EHMT1: variants seen among roughly 807,000 people sequenced by gnomAD.
EHMT1 encodes the protein histone-lysine N-methyltransferase EHMT1.
Under a neutral mutation model 147.2 loss-of-function variants are expected in EHMT1, and 15 were observed. The observed-to-expected ratio is 0.10, with a 90% CI of 0.07 to 0.16. The LOEUF is 0.16. Among genes scored for constraint, EHMT1 ranks in the 10% least tolerant of loss-of-function variants. The probability of loss-of-function intolerance (pLI) is 1.00; values close to 1 mark genes in which losing one functional copy is unlikely to be tolerated. For synonymous variants in EHMT1, 795 were observed against 709.6 expected (o/e 1.12, Z -1.91); for missense variants, 1,587 against 1,772.4 (o/e 0.90, Z 1.88).
chr9:137,695,248 G>T (rs1164435347), intron 1 of EHMT1, among the ~76,000 whole-genome samples: 2 of 152,204 alleles, frequency 1.3e-5, no homozygotes, highest in African/African-American at 2.4e-5. Flanking sequence ...TGTTGGTCCA[G>T]TTCCCTGAGG....
chr9:137,658,981 C>G (rs145562288), intron 1 of EHMT1, among the ~76,000 whole-genome samples: 8 of 152,238 alleles, frequency 5.3e-5, no homozygotes, highest in African/African-American at 1.9e-4. Context: ...GCTGAACCAT[C>G]GTAGACATCC....
At chr9:137,634,868 ATTTTTTTT>A (rs781056803) in intron 1 of EHMT1, among the ~76,000 whole-genome samples, 1,675 of 92,124 alleles carry the variant, frequency 0.018, 37 homozygotes, top group African/African-American at 0.068. Context: ...TGCCCAGCTA[ATTTTTTTT>A]TTTTTTTTTT....
intron 2 of EHMT1, among the ~76,000 whole-genome samples, chr9:137,712,715 T>C (rs1246843449): frequency 2.0e-5 from 3 of 152,228 alleles, no homozygotes; most frequent in Non-Finnish European, 1.5e-5. Context: ...TTCCGGTCTG[T>C]GGCTTGTCTT....
At position 137,701,590 on chromosome 9, in the gene EHMT1, C is replaced by T. The variant is rs903320554; in HGVS notation, c.22-9377C>T. On this transcript the variant is annotated intron_variant, in intron 1 of 26. Coordinates refer to ENST00000460843, the MANE Select transcript of EHMT1 (RefSeq NM_024757.5). Reference sequence around the variant, plus strand: ...TCTCCTGCCTCAGCCTCTTGAGTAGCTGGGATTACAGGTGGGCGCCACCAT... The same window carrying T: ...TCTCCTGCCTCAGCCTCTTGAGTAGTTGGGATTACAGGTGGGCGCCACCAT... Among the ~76,000 whole-genome samples the T allele has an allele frequency of 2.7e-5, 4 of 148,796 alleles. No individual in the cohort carries two copies. In the Admixed American group the frequency reaches 2.7e-4, roughly 10 times the overall value.
chr9:137,803,897 ATG>A (rs1953711253), intron 18 of EHMT1, among the ~76,000 whole-genome samples: 1 of 151,978 alleles, frequency 6.6e-6, no homozygotes, highest in Non-Finnish European at 1.5e-5. Flanking sequence ...TCTCTAGTGT[ATG>A]AGAGTGCATT....
chr9:137,775,191 A>G lies in EHMT1; in HGVS notation c.1730A>G (p.Asp577Gly). The change falls in exon 11 of 27, where the codon GAC (aspartate) becomes GGC (glycine). Residue 577 changes from aspartate to glycine, a missense_variant. By Grantham distance (94) the Asp-to-Gly change is moderately conservative. Transcript: ENST00000460843. This position sits in a 1 kb window ranked among gnomAD's most constrained non-coding sequence, Gnocchi z 6.1. The part of the protein sequence containing the change: ...NKAPLLVLCE[D>G]HRGRMVKHQC... ...GCCCCGCTCCTCGTGCTGTGTGAAGACCACCGGGGCCGCATGGTGAAGCAC... is the reference window on the plus strand; with the variant it reads ...GCCCCGCTCCTCGTGCTGTGTGAAGGCCACCGGGGCCGCATGGTGAAGCAC... The G allele has an allele frequency of 6.2e-7, 1 of 1,613,714 alleles. No homozygotes were observed. Among genetic ancestry groups the G allele is most frequent in the Non-Finnish European group, 8.5e-7 (1 of 1,180,016 alleles).
rs112597221 is a variant in EHMT1, at chr9:137,787,775, G to A, written c.2383-3073G>A. On this transcript the variant is annotated intron_variant, in intron 15 of 26. Transcript: ENST00000460843. This position sits in a 1 kb window ranked among gnomAD's most constrained non-coding sequence, Gnocchi z 4.2. ...GTTGGGTGACACACCCTGGAAGAGG[G>A]CGTCTAGATCCCAGCCCTGGGGGCC... 1.1e-4 allele frequency: 92 copies of A among 827,174 alleles called. 1 individual carries two copies. The highest frequency in any genetic ancestry group is 9.8e-4 in the African/African-American group (59 of 60,130). 51.2% of individuals were successfully genotyped at this position (827,174 alleles called of 1,614,324 possible).
In EHMT1 at chr9:137,828,515, G is replaced by T. The variant is rs1955974682; in HGVS notation, c.3541-5834G>T. Among the ~76,000 whole-genome samples, 1 of 151,766 alleles carries T rather than the reference G, an allele frequency of 6.6e-6. No individual in the cohort carries two copies. The highest frequency in any genetic ancestry group is 1.5e-5 in the Non-Finnish European group (1 of 67,948). ...CCCATGACCTCTAGGGTCACGCGGAGGCTCCTGGGGTCAGACTGAGAAAGG... is the reference window on the plus strand; with the variant it reads ...CCCATGACCTCTAGGGTCACGCGGATGCTCCTGGGGTCAGACTGAGAAAGG... On this transcript the variant is annotated intron_variant, in intron 25 of 26. Coordinates refer to ENST00000460843, the MANE Select transcript of EHMT1 (RefSeq NM_024757.5). This position sits in a 1 kb window ranked among gnomAD's most constrained non-coding sequence, Gnocchi z 5.3.
intron 1 of EHMT1, among the ~76,000 whole-genome samples, chr9:137,631,454 C>A (rs970662973): frequency 5.9e-5 from 9 of 152,124 alleles, no homozygotes; most frequent in Admixed American, 5.2e-4. Flanking sequence ...GCCACTAGTT[C>A]TTCTCTTGGC....
intron 6 of EHMT1, chr9:137,747,779 A>G (rs1948667815): frequency 6.6e-6 from 1 of 152,220 alleles, no homozygotes; most frequent in Non-Finnish European, 1.5e-5. Context: ...AAAGCCTTGA[A>G]TTCTGGTGGC....
Position 137,731,908 on chromosome 9 carries a change from A to G in EHMT1, c.823+3379A>G, listed in dbSNP as rs575177455. On this transcript the variant is annotated intron_variant, in intron 4 of 26. Transcript: ENST00000460843. This position sits in a 1 kb window ranked among gnomAD's most constrained non-coding sequence, Gnocchi z 4.3. ...GTGCAGAGCTGTGGCTGGATGAGGC[A>G]TACCACAAGCAGTTTACACTGCAGG... Among the ~76,000 whole-genome samples the G allele has an allele frequency of 1.3e-5, 2 of 152,334 alleles. No homozygotes were observed. The highest frequency in any genetic ancestry group is 3.9e-4 in the East Asian group (2 of 5,184).
chr9:137,766,230 A>G (rs1024684500), intron 10 of EHMT1, among the ~76,000 whole-genome samples: 4 of 152,156 alleles, frequency 2.6e-5, no homozygotes, highest in African/African-American at 9.7e-5. Context: ...GATGCTTAAC[A>G]CCTACATTTG....
chr9:137,673,243 TG>T (rs1240389910), intron 1 of EHMT1, among the ~76,000 whole-genome samples: 1 of 152,322 alleles, frequency 6.6e-6, no homozygotes, highest in Middle Eastern at 3.4e-3. Flanking sequence ...GGGTGCCTGG[TG>T]GTGCTCAGAG....
chr9:137,683,627 G>A (rs1484687081), intron 1 of EHMT1, among the ~76,000 whole-genome samples: 2 of 152,118 alleles, frequency 1.3e-5, no homozygotes, highest in Non-Finnish European at 2.9e-5. Context: ...AGGGAAAAGT[G>A]GTCGTCTAAC....
At chr9:137,649,070 G>A (rs1262854454) in intron 1 of EHMT1, among the ~76,000 whole-genome samples, 1 of 152,220 alleles carries the variant, frequency 6.6e-6, no homozygotes, top group Admixed American at 6.5e-5. Flanking sequence ...GGGTTGAGTA[G>A]TGTCTTCCCA....
chr9:137,800,501 C>G (rs774367981), intron 17 of EHMT1: 4 of 284,606 alleles, frequency 1.4e-5, no homozygotes, highest in Non-Finnish European at 2.7e-5. Flanking sequence ...CTGGTGCGCT[C>G]CGGGTCTGGC....
In EHMT1 at chr9:137,734,016, G is replaced by A. The variant is rs533326604; in HGVS notation, c.823+5487G>A. 9.2e-5 allele frequency among the ~76,000 whole-genome samples: 14 copies of A among 152,300 alleles called. No individual in the cohort carries two copies. In the South Asian group the frequency reaches 2.9e-3, roughly 32 times the overall value. On this transcript the variant is annotated intron_variant, in intron 4 of 26. Transcript: ENST00000460843. ...AACAAAACAGTACACCCTGGAAAAG[G>A]AGGAGAATCAGCTTTTCAGAGTTTC...
chr9:137,818,028 C>G (rs1425448187), intron 24 of EHMT1, 32 bp from the exon 25 acceptor site: 4 of 1,612,476 alleles, frequency 2.5e-6, no homozygotes, highest in African/African-American at 2.7e-5. Flanking sequence ...TCGCTGCCTT[C>G]CAGGGCCTCA....
At chr9:137,756,564 GC>G (rs1235585521) in intron 8 of EHMT1, among the ~76,000 whole-genome samples, 1 of 152,138 alleles carries the variant, frequency 6.6e-6, no homozygotes, top group Non-Finnish European at 1.5e-5. Flanking sequence ...GGACGTGTGA[GC>G]CCCCCGGGAG....
Sources: gnomAD v4.1 joint callset for allele counts (sites outside exome capture counted in the v4.1 genomes callset) on GRCh38, gnomAD v4.1.1 for gene constraint, Gnocchi (gnomAD v3.1) non-coding constraint, MANE v1.5 for transcripts, NCBI Gene and HGNC (gene_info 2026-07-23, HGNC 2026-07-21) for gene names.